Variants in KSR2 observed in about 807,000 individuals in gnomAD.
KSR2 encodes the protein kinase suppressor of ras 2.
In KSR2, 25 loss-of-function variants were observed where a neutral mutation model predicts 107.8. The ratio of observed to expected loss-of-function variants is 0.23; its 90% CI spans 0.17 to 0.32. The LOEUF is 0.32. Ranked by LOEUF, KSR2 falls within the 10% of genes least tolerant of loss-of-function variation. The pLI is 1.00. For missense variants in KSR2, 887 were observed against 1,268.9 expected (o/e 0.70, Z 4.57); for synonymous variants, 480 against 507.0 (o/e 0.95, Z 0.71).
intron 7 of KSR2, among the ~76,000 whole-genome samples, chr12:117,574,605 T>C (rs1459438933): frequency 6.6e-6 from 1 of 152,142 alleles, no homozygotes; most frequent in Non-Finnish European, 1.5e-5. Flanking sequence ...CCACCATGAT[T>C]CAATTATCTC....
At chr12:117,898,378 C>A (rs1894579494) in intron 1 of KSR2, among the ~76,000 whole-genome samples, 2 of 150,428 alleles carry the variant, frequency 1.3e-5, no homozygotes, top group African/African-American at 2.4e-5. Context: ...GTTGCCCAGG[C>A]TGGAGTGAAG....
intron 5 of KSR2, among the ~76,000 whole-genome samples, chr12:117,619,546 AT>A (rs989582346): frequency 6.6e-6 from 1 of 151,610 alleles, no homozygotes; most frequent in African/African-American, 2.4e-5. Flanking sequence ...TGAATTCATC[AT>A]TTTTTATGGC....
At chr12:117,819,031 C>T (rs1891472804) in intron 3 of KSR2, among the ~76,000 whole-genome samples, 1 of 152,060 alleles carries the variant, frequency 6.6e-6, no homozygotes, top group Admixed American at 6.5e-5. Context: ...ATTGCTCACC[C>T]TGGGGTTCAG....
chr12:117,476,700 G>T (rs1055351459), intron 16 of KSR2, 105 bp from the exon 17 acceptor site: 2 of 1,251,612 alleles, frequency 1.6e-6, no homozygotes, highest in Non-Finnish European at 2.1e-6. Flanking sequence ...TGCCCTTCTC[G>T]CTTCCCACAT....
chr12:117,826,117 A>T (rs545394147), intron 3 of KSR2, among the ~76,000 whole-genome samples: 45 of 151,496 alleles, frequency 3.0e-4, no homozygotes, highest in African/African-American at 9.7e-4. Flanking sequence ...GGAGATGGAT[A>T]GAAACAGAAG....
rs144376357 is a variant in KSR2 at position 117,519,783 on chromosome 12, CGT to C, written c.2219+5067_2219+5068del. Among the ~76,000 whole-genome samples the C allele has an allele frequency of 3.8e-3, 568 of 150,744 alleles. 8 individuals are homozygous for C. Among genetic ancestry groups the C allele is most frequent in the African/African-American group, 0.013 (535 of 41,124 alleles). On this transcript the variant is annotated intron_variant, in intron 14 of 19. Transcript: ENST00000339824. ...GAAGAGGAGCGAGTGTGTGTGTGTGCGTGTGTGTGTGTGCACGTGTGTGTGTG... is the reference window on the plus strand; with the variant it reads ...GAAGAGGAGCGAGTGTGTGTGTGTGCGTGTGTGTGTGCACGTGTGTGTGTG...
At chr12:117,794,309 ACAC>A (rs1480883436) in intron 3 of KSR2, among the ~76,000 whole-genome samples, 1 of 115,004 alleles carries the variant, frequency 8.7e-6, no homozygotes, top group Non-Finnish European at 1.7e-5. Context: ...ACATGCACAC[ACAC>A]CAACATGCAC....
intron 5 of KSR2, among the ~76,000 whole-genome samples, chr12:117,645,324 G>T (rs1267196862): frequency 6.6e-6 from 1 of 152,116 alleles, no homozygotes; most frequent in Admixed American, 6.5e-5. Flanking sequence ...GAACCATCAT[G>T]TTCACTTGTA....
Position 117,471,286 on chromosome 12 carries a change from G to A in KSR2, c.2617C>T (p.Pro873Ser). Residue 873 changes from proline (P) to serine (S), a missense_variant, in exon 18 of 20, where the codon CCT (proline) becomes TCT (serine). By Grantham distance (74) the Pro-to-Ser change is moderately conservative (BLOSUM62 -1). This residue lies in a region of KSR2 where 308 missense variants were observed against 506.2 expected (regional missense o/e 0.61). Coordinates refer to ENST00000339824, the MANE Select transcript of KSR2 (RefSeq NM_173598.6). ...GCCTCTGCTGGTTGGGTCTTGAAAG[G>A]CCATTCCCTGGCGTGGAGTTCATAC... ...IWYELHAREW[P>S]FKTQPAEAII... The A allele has an allele frequency of 6.2e-7, 1 of 1,613,814 alleles. No homozygotes were observed. The highest frequency in any genetic ancestry group is 1.1e-5 in the South Asian group (1 of 91,040).
rs538964677 is a variant in KSR2 at position 117,732,158 on chromosome 12, G to A, written c.986+28853C>T. The stretch of plus-strand genomic sequence containing the variant: ...AGTTAATAGGTAAAACCCTGGTCGT[G>A]AGGTGGTAACTGCTAAAATTGTGCC... On this transcript the variant is annotated intron_variant, in intron 4 of 19. Coordinates refer to ENST00000339824, the MANE Select transcript of KSR2 (RefSeq NM_173598.6). Among the ~76,000 whole-genome samples, 21 of 152,278 alleles carry A rather than the reference G, an allele frequency of 1.4e-4. No homozygotes were observed. The East Asian group carries it at 4.1e-3, about 29-fold the overall frequency.
chr12:117,732,449 C>T (rs1337184362), intron 4 of KSR2, among the ~76,000 whole-genome samples: 21 of 152,026 alleles, frequency 1.4e-4, no homozygotes, highest in African/African-American at 4.3e-4. Context: ...CCACTATGCC[C>T]CGCTAATTTT....
At chr12:117,645,669 G>A (rs1161536347) in intron 5 of KSR2, among the ~76,000 whole-genome samples, 2 of 152,102 alleles carry the variant, frequency 1.3e-5, no homozygotes, top group Non-Finnish European at 2.9e-5. Flanking sequence ...CTAACTGTTT[G>A]GAAGGGGCTG....
intron 5 of KSR2, among the ~76,000 whole-genome samples, chr12:117,657,995 A>T (rs1278191674): frequency 6.6e-6 from 1 of 152,270 alleles, no homozygotes; most frequent in African/African-American, 2.4e-5. Context: ...GATCTAACTT[A>T]GAATGTCAGG....
chr12:117,574,089 C>T (rs1020960150), intron 7 of KSR2, among the ~76,000 whole-genome samples: 1 of 152,118 alleles, frequency 6.6e-6, no homozygotes, highest in Non-Finnish European at 1.5e-5. Flanking sequence ...GGTCCAAGGG[C>T]CAGCAGCCTC....
chr12:117,553,929 T>G (rs816189), intron 9 of KSR2, among the ~76,000 whole-genome samples: 3 of 151,226 alleles, frequency 2.0e-5, no homozygotes, highest in Non-Finnish European at 4.4e-5. Context: ...CTTTCCAACA[T>G]GAGTGGAAGC....
intron 5 of KSR2, among the ~76,000 whole-genome samples, chr12:117,590,619 C>T (rs917502706): frequency 1.3e-5 from 2 of 152,150 alleles, no homozygotes; most frequent in African/African-American, 4.8e-5. Flanking sequence ...TAGAACATGA[C>T]AAAGCTCTGT....
rs1463899486 is a variant in KSR2, at chr12:117,456,841, G to C, written c.*10358C>G. The C allele has an allele frequency of 1.3e-5, 2 of 151,928 alleles. No individual in the cohort carries two copies. Among genetic ancestry groups the C allele is most frequent in the African/African-American group, 4.9e-5 (2 of 41,154 alleles). 9.4% of individuals were successfully genotyped at this position (151,928 alleles called of 1,614,324 possible). A position where few individuals can be genotyped will look rare whatever the true frequency, so the allele number is the denominator to read the frequency against. The stretch of plus-strand genomic sequence containing the variant: ...AGAACTGCCACATCTTGTCCAGACT[G>C]TCTATGTTGTTGCTTCATTGCTACC... On this transcript the variant is annotated 3_prime_UTR_variant, in exon 20 of 20. Transcript: ENST00000339824.
chr12:117,647,927 T>G (rs7971991), intron 5 of KSR2, among the ~76,000 whole-genome samples: 4,690 of 152,152 alleles, frequency 0.031, 241 homozygotes, highest in African/African-American at 0.11. Context: ...CAGGCTGTTC[T>G]CAAATACCTG....
chr12:117,753,456 T>A (rs1007815973), intron 4 of KSR2, among the ~76,000 whole-genome samples: 6 of 152,216 alleles, frequency 3.9e-5, no homozygotes, highest in African/African-American at 1.4e-4. Flanking sequence ...ATGTGGTATA[T>A]ATACACTATG....
Sources: allele counts gnomAD v4.1 joint callset (sites outside exome capture counted in the v4.1 genomes callset), GRCh38; gene constraint gnomAD v4.1.1; regional missense constraint gnomAD v4.1.1; transcripts MANE v1.5; gene names NCBI Gene and HGNC (gene_info 2026-07-23, HGNC 2026-07-21).